L3MBTL3: variants seen among roughly 807,000 people sequenced by gnomAD.
L3MBTL3 encodes the protein lethal(3)malignant brain tumor-like protein 3.
A neutral mutation model predicts 102.3 loss-of-function variants in L3MBTL3; 27 were observed. That is an observed-to-expected ratio of 0.26 (90% CI 0.19 to 0.36). The LOEUF (loss-of-function observed/expected upper bound fraction) is 0.36. L3MBTL3 is among the 10% of genes least tolerant of loss of function. L3MBTL3 has a pLI of 1.00. For synonymous variants in L3MBTL3, 340 were observed against 320.9 expected (o/e 1.06, Z -0.64); for missense variants, 798 against 955.3 (o/e 0.84, Z 2.17).
intron 7 of L3MBTL3, among the ~76,000 whole-genome samples, chr6:130,053,385 C>G (rs1021947366): frequency 6.6e-6 from 1 of 152,144 alleles, no homozygotes; most frequent in African/African-American, 2.4e-5. Context: ...CCTGTAATCC[C>G]AGCACTTTGG....
chr6:130,032,739 C>A (rs920747821), intron 2 of L3MBTL3, among the ~76,000 whole-genome samples: 2 of 152,148 alleles, frequency 1.3e-5, no homozygotes, highest in African/African-American at 4.8e-5. Context: ...ACCTGTAATC[C>A]CTGCACTTCG....
chr6:130,020,260 G>C (rs1392930485), intron 1 of L3MBTL3, among the ~76,000 whole-genome samples: 2 of 151,552 alleles, frequency 1.3e-5, no homozygotes, highest in East Asian at 2.0e-4. Flanking sequence ...GAGGCCGGCG[G>C]GGGTGGGGAT....
intron 1 of L3MBTL3, 71 bp downstream of exon 1, chr6:130,018,735 A>AT (rs1318582868): frequency 6.6e-6 from 1 of 152,160 alleles, no homozygotes; most frequent in Non-Finnish European, 1.5e-5. Context: ...CCATTCATTT[A>AT]TTTTTCTGGG....
intron 1 of L3MBTL3, among the ~76,000 whole-genome samples, chr6:130,020,080 C>T (rs557576740): frequency 1.3e-5 from 2 of 149,532 alleles, no homozygotes; most frequent in Admixed American, 1.3e-4. Flanking sequence ...CTTGTTTACG[C>T]CTGCCTTATT....
At position 130,133,356 on chromosome 6, in the gene L3MBTL3, C is replaced by A; in HGVS notation, c.1967-96C>A. The A allele has an allele frequency of 8.5e-7, 1 of 1,182,698 alleles. No homozygotes were observed. The highest frequency in any genetic ancestry group is 1.2e-6 in the Non-Finnish European group (1 of 815,606). The allele number at this position is 1,182,698 out of a possible 1,614,324, so 73.3% of individuals were successfully genotyped here. On this transcript the variant is annotated intron_variant, in intron 20 of 22. Coordinates refer to ENST00000361794, the MANE Select transcript of L3MBTL3 (RefSeq NM_032438.4). The surrounding 1 kb of genome is among the most constrained non-coding windows in gnomAD (Gnocchi z 4.9). ...CTGAAAGGAACCAATGCTTTAACCA[C>A]TCCCACCTCCAGTCTCGTTATCTGG...
chr6:130,135,730 A>G (rs964770796), intron 22 of L3MBTL3, among the ~76,000 whole-genome samples: 1 of 152,208 alleles, frequency 6.6e-6, no homozygotes, highest in Non-Finnish European at 1.5e-5. Context: ...GTCGATATGA[A>G]TTATTCATTC....
At position 130,110,784 on chromosome 6, in the gene L3MBTL3, A is replaced by G. The variant is rs1384840272; in HGVS notation, c.1886+6209A>G. ...TTGTCTTGTGCCGGTTTTCAAAGGG[A>G]ATGCTTCCAGCTTTTGCCCATTTAG... On this transcript the variant is annotated intron_variant, in intron 19 of 22. Transcript: ENST00000361794. Among the ~76,000 whole-genome samples, 5 of 152,262 alleles carry G rather than the reference A, an allele frequency of 3.3e-5. No homozygotes were observed. The East Asian group carries it at 9.7e-4, about 29-fold the overall frequency.
At chr6:130,043,052 T>C (rs1242094627) in intron 3 of L3MBTL3, among the ~76,000 whole-genome samples, 1 of 152,178 alleles carries the variant, frequency 6.6e-6, no homozygotes, top group Non-Finnish European at 1.5e-5. Flanking sequence ...CAGAAATTGA[T>C]TTATAGTTTC....
At chr6:130,052,503 C>G (rs7756870) in intron 6 of L3MBTL3, among the ~76,000 whole-genome samples, 97,059 of 152,138 alleles carry the variant, frequency 0.64, 31,763 homozygotes, top group East Asian at 0.84. Context: ...CTAGATCCTT[C>G]TTTGACCCTG....
At chr6:130,114,328 T>A (rs1785531155) in intron 19 of L3MBTL3, among the ~76,000 whole-genome samples, 1 of 152,208 alleles carries the variant, frequency 6.6e-6, no homozygotes, top group Non-Finnish European at 1.5e-5. Flanking sequence ...TAACAGGATC[T>A]TACTCTATCT....
intron 20 of L3MBTL3, among the ~76,000 whole-genome samples, chr6:130,132,966 G>C (rs1322155215): frequency 6.7e-6 from 1 of 148,390 alleles, no homozygotes; most frequent in Admixed American, 6.9e-5. Flanking sequence ...AGTATGATTA[G>C]TAAATAAGAA....
intron 18 of L3MBTL3, among the ~76,000 whole-genome samples, chr6:130,100,119 C>T (rs1452543439): frequency 6.6e-6 from 1 of 152,090 alleles, no homozygotes; most frequent in African/African-American, 2.4e-5. Flanking sequence ...TAAACAACAT[C>T]CCTGTCTAAG....
chr6:130,105,868 G>A (rs1784952788), intron 19 of L3MBTL3, among the ~76,000 whole-genome samples: 2 of 152,180 alleles, frequency 1.3e-5, no homozygotes, highest in Non-Finnish European at 2.9e-5. Flanking sequence ...AATACCTGGA[G>A]CCAAAGTCTT....
chr6:130,131,165 C>T (rs1240042258), intron 20 of L3MBTL3, among the ~76,000 whole-genome samples: 1 of 151,992 alleles, frequency 6.6e-6, no homozygotes, highest in Non-Finnish European at 1.5e-5. Context: ...ATTTCTTAAC[C>T]AAATTTATCT....
At chr6:130,028,472 T>A (rs1360825742) in intron 2 of L3MBTL3, among the ~76,000 whole-genome samples, 1 of 152,210 alleles carries the variant, frequency 6.6e-6, no homozygotes, top group Non-Finnish European at 1.5e-5. Context: ...AAGACCCAAC[T>A]TCTCAAGGAT....
chr6:130,031,535 A>G (rs919086040), intron 2 of L3MBTL3, among the ~76,000 whole-genome samples: 1 of 152,232 alleles, frequency 6.6e-6, no homozygotes, highest in African/African-American at 2.4e-5. Context: ...CTCTTTTCAC[A>G]AACCCCTTTA....
chr6:130,078,979 A>G (rs910460936), intron 14 of L3MBTL3, among the ~76,000 whole-genome samples: 1 of 152,188 alleles, frequency 6.6e-6, no homozygotes, highest in African/African-American at 2.4e-5. Context: ...GTTTTAAAAG[A>G]TCTTTCATTT....
intron 18 of L3MBTL3, among the ~76,000 whole-genome samples, chr6:130,102,909 C>T (rs1019382391): frequency 6.6e-5 from 10 of 152,178 alleles, no homozygotes; most frequent in African/African-American, 1.4e-4. Flanking sequence ...TGTGTACTGC[C>T]GATCTCCCCC....
Position 130,027,561 on chromosome 6 carries a change from A to T in L3MBTL3, c.-16+5256A>T, listed in dbSNP as rs185647423. Among the ~76,000 whole-genome samples the T allele has an allele frequency of 2.6e-5, 4 of 152,284 alleles. No individual in the cohort carries two copies. The East Asian group carries it at 5.8e-4, about 22-fold the overall frequency. On this transcript the variant is annotated intron_variant, in intron 2 of 22. Transcript: ENST00000361794. ...TGAGGCTTAGCTGTTCAGTCTATTG[A>T]TAAGGAGGTTGGCTACAAATGGTTA... is the stretch of plus-strand genomic sequence containing the variant.
Sources: gnomAD v4.1 joint callset for allele counts (sites outside exome capture counted in the v4.1 genomes callset) on GRCh38, gnomAD v4.1.1 for gene constraint, Gnocchi (gnomAD v3.1) non-coding constraint, MANE v1.5 for transcripts, NCBI Gene and HGNC (gene_info 2026-07-23, HGNC 2026-07-21) for gene names.